The following DRC8 variants were observed in gnomAD, a reference collection of about 807,000 sequenced individuals.
The protein encoded by DRC8 is dynein regulatory complex protein 8.
chr1:244,999,631 C>A, the DRC8 span, among the ~76,000 whole-genome samples: 1 of 152,122 alleles, frequency 6.6e-6, no homozygotes, highest in Non-Finnish European at 1.5e-5. Context: ...AAGACAGACA[C>A]AAATAATTGC....
At chr1:244,984,761 G>A in the DRC8 span, among the ~76,000 whole-genome samples, 1 of 151,694 alleles carries the variant, frequency 6.6e-6, no homozygotes, top group East Asian at 1.9e-4. Context: ...CTTGAACCTG[G>A]GAGGTGGAGG....
At chr1:245,054,179 T>C in the DRC8 span, among the ~76,000 whole-genome samples, 9 of 152,148 alleles carry the variant, frequency 5.9e-5, no homozygotes, top group East Asian at 9.7e-4. Flanking sequence ...GTTTGTTTTT[T>C]GATGTGGGGG....
chr1:244,988,814 T>G, the DRC8 span, among the ~76,000 whole-genome samples: 1 of 152,228 alleles, frequency 6.6e-6, no homozygotes, highest in Non-Finnish European at 1.5e-5. Context: ...TGATTGAATA[T>G]TCCTATAGTT....
chr1:245,052,263 C>T, the DRC8 span, among the ~76,000 whole-genome samples: 5 of 152,160 alleles, frequency 3.3e-5, no homozygotes, highest in African/African-American at 7.2e-5. Flanking sequence ...TTATTTATTG[C>T]AGCAGTGCTT....
At chr1:245,028,057 A>G in the DRC8 span, among the ~76,000 whole-genome samples, 2 of 151,956 alleles carry the variant, frequency 1.3e-5, no homozygotes, top group Non-Finnish European at 2.9e-5. Flanking sequence ...ACACCCAGCT[A>G]AATTTTAGTT....
At chr1:245,085,000 A>C in the DRC8 span, among the ~76,000 whole-genome samples, 1 of 152,240 alleles carries the variant, frequency 6.6e-6, no homozygotes, top group African/African-American at 2.4e-5. Context: ...AAAGAAAGTA[A>C]ATCCTAGGTT....
the DRC8 span, among the ~76,000 whole-genome samples, chr1:245,065,908 G>T: frequency 6.6e-6 from 1 of 151,788 alleles, no homozygotes; most frequent in Non-Finnish European, 1.5e-5. Flanking sequence ...GGGATGGAGG[G>T]CAGGCAGTCA....
chr1:245,065,197 C>G, the DRC8 span, among the ~76,000 whole-genome samples: 50,590 of 149,586 alleles, frequency 0.34, 8,913 homozygotes, highest in Middle Eastern at 0.4. Flanking sequence ...AAATTACAGG[C>G]GCATGCCATC....
the DRC8 span, among the ~76,000 whole-genome samples, chr1:245,100,703 C>T: frequency 0.02 from 2,973 of 151,420 alleles, 103 homozygotes; most frequent in African/African-American, 0.068. Context: ...ATCACCTGAT[C>T]CTTGGGAGGT....
chr1:244,991,692 T>A, the DRC8 span, among the ~76,000 whole-genome samples: 1 of 152,208 alleles, frequency 6.6e-6, no homozygotes, highest in East Asian at 1.9e-4. Flanking sequence ...ATTTTGCTAT[T>A]ACCACCTTTT....
chr1:245,053,054 A>G, the DRC8 span, among the ~76,000 whole-genome samples: 1 of 152,242 alleles, frequency 6.6e-6, no homozygotes, highest in African/African-American at 2.4e-5. Flanking sequence ...CTACTTGTCA[A>G]GACCAATAAA....
the DRC8 span, among the ~76,000 whole-genome samples, chr1:245,086,154 G>T: frequency 6.6e-6 from 1 of 152,326 alleles, no homozygotes; most frequent in East Asian, 1.9e-4. Flanking sequence ...CATAGGACAG[G>T]TATGGTCAAA....
the DRC8 span, among the ~76,000 whole-genome samples, chr1:245,044,960 A>G: frequency 2.0e-5 from 3 of 152,120 alleles, no homozygotes; most frequent in Admixed American, 6.5e-5. Flanking sequence ...AAATTCTTTA[A>G]TAATTTTAAT....
chr1:245,064,867 C>G, the DRC8 span, among the ~76,000 whole-genome samples: 15 of 151,826 alleles, frequency 9.9e-5, no homozygotes, highest in Non-Finnish European at 1.3e-4. Context: ...TTTTTTTCCC[C>G]AGAGTTTGAA....
chr1:244,991,719 TG>T, the DRC8 span, among the ~76,000 whole-genome samples: 3 of 152,166 alleles, frequency 2.0e-5, no homozygotes, highest in Non-Finnish European at 4.4e-5. Flanking sequence ...TTTATAGGAG[TG>T]GCTCTGAATC....
the DRC8 span, among the ~76,000 whole-genome samples, chr1:245,011,835 A>T: frequency 4.6e-5 from 7 of 152,258 alleles, no homozygotes; most frequent in Non-Finnish European, 8.8e-5. Flanking sequence ...CACACTATAA[A>T]TGACCATATA....
chr1:245,045,317 G>A, the DRC8 span, among the ~76,000 whole-genome samples: 25,639 of 152,182 alleles, frequency 0.17, 2,390 homozygotes, highest in African/African-American at 0.24. Flanking sequence ...GTCACTGGTC[G>A]AGGGTTGTGA....
chr1:244,995,314 T>C, the DRC8 span, among the ~76,000 whole-genome samples: 5 of 151,910 alleles, frequency 3.3e-5, no homozygotes, highest in African/African-American at 1.2e-4. Context: ...TGAGCCGAGA[T>C]TGTGCCACTG....
the DRC8 span, among the ~76,000 whole-genome samples, chr1:244,980,218 C>CAAAAAAAA: frequency 1.8e-4 from 12 of 64,976 alleles, no homozygotes; most frequent in African/African-American, 7.7e-4. Context: ...GACTCCGTCT[C>CAAAAAAAA]AAAAAAAAAA....
Sources: gnomAD v4.1 joint callset for allele counts (sites outside exome capture counted in the v4.1 genomes callset) on GRCh38, gnomAD v4.1.1 for gene constraint, MANE v1.5 for transcripts, NCBI Gene and HGNC (gene_info 2026-07-23, HGNC 2026-07-21) for gene names.